The following TEX9 variants were observed in gnomAD, a reference collection of about 807,000 sequenced individuals.
The protein encoded by TEX9 is testis expressed 9.
Under a neutral mutation model 59.6 loss-of-function variants are expected in TEX9, and 74 were observed. The observed-to-expected ratio is 1.24, with a 90% CI of 1.03 to 1.51. The LOEUF (loss-of-function observed/expected upper bound fraction) is 1.51. Among genes scored for constraint, TEX9 ranks in the 40% most tolerant of loss-of-function variants. TEX9 has a pLI of 0.00. For synonymous variants in TEX9, 186 were observed against 152.2 expected (o/e 1.22, Z -1.64); for missense variants, 522 against 447.8 (o/e 1.17, Z -1.49).
At chr15:56,415,158 G>T (rs1208672287) in intron 10 of TEX9, among the ~76,000 whole-genome samples, 2 of 151,744 alleles carry the variant, frequency 1.3e-5, no homozygotes, top group Admixed American at 6.6e-5. Flanking sequence ...TGCATAGTTT[G>T]CAAAAATTTT....
chr15:56,265,217 G>A (rs748588842), intron 1 of TEX9, among the ~76,000 whole-genome samples: 35 of 150,138 alleles, frequency 2.3e-4, no homozygotes, highest in Non-Finnish European at 3.8e-4. Context: ...GTACCAGCAT[G>A]GAGTGTAGTG....
rs777566061 is a variant in TEX9, at chr15:56,251,248, G to A, written c.-107+6970G>A. ...ATGTTAGTATGTTTTTGTTTTCTCC[G>A]TTTAAAATGCCTCTAATTATGCCTG... On this transcript the variant is annotated intron_variant, in intron 1 of 5. Transcript: ENST00000560827. Among the ~76,000 whole-genome samples, 21 of 152,040 alleles carry A rather than the reference G, an allele frequency of 1.4e-4. 1 individual carries two copies. Among genetic ancestry groups the A allele is most frequent in the Non-Finnish European group, 2.2e-4 (15 of 67,936 alleles).
chr15:56,356,901 A>G (rs1459649551), intron 1 of TEX9, among the ~76,000 whole-genome samples: 1 of 152,002 alleles, frequency 6.6e-6, no homozygotes, highest in African/African-American at 2.4e-5. Context: ...AATGGTGCCA[A>G]TTCTGGATCC....
chr15:56,434,981 G>A (rs1458714260), intron 12 of TEX9, among the ~76,000 whole-genome samples: 1 of 151,966 alleles, frequency 6.6e-6, no homozygotes, highest in Non-Finnish European at 1.5e-5. Flanking sequence ...TTTATTTTCT[G>A]AACATTTTAT....
intron 2 of TEX9, among the ~76,000 whole-genome samples, chr15:56,371,955 A>G (rs1194715111): frequency 6.6e-6 from 1 of 152,138 alleles, no homozygotes; most frequent in Non-Finnish European, 1.5e-5. Flanking sequence ...CTAGCTTTTA[A>G]GCTATTTTGG....
chr15:56,395,195 A>G (rs1276905515), intron 9 of TEX9: 10 of 239,104 alleles, frequency 4.2e-5, no homozygotes, highest in African/African-American at 8.9e-5. Context: ...AAATTTGTCT[A>G]TTCTGGAAAT....
At chr15:56,392,731 A>G (rs1400190731) in intron 7 of TEX9, among the ~76,000 whole-genome samples, 1 of 152,154 alleles carries the variant, frequency 6.6e-6, no homozygotes, top group East Asian at 1.9e-4. Flanking sequence ...AGGGCTAGTT[A>G]TGGTAAGGGA....
At chr15:56,399,737 G>A (rs774497541) in intron 9 of TEX9, among the ~76,000 whole-genome samples, 22 of 152,194 alleles carry the variant, frequency 1.4e-4, no homozygotes, top group Non-Finnish European at 2.9e-4. Flanking sequence ...ATGTAGGTGG[G>A]TACCCCTCTG....
chr15:56,303,585 T>C (rs1257147113), intron 1 of TEX9, among the ~76,000 whole-genome samples: 8 of 151,624 alleles, frequency 5.3e-5, no homozygotes, highest in African/African-American at 1.9e-4. Context: ...TACATCAAAA[T>C]AGAAGAAAAA....
At chr15:56,268,206 A>G (rs1288432118) in intron 1 of TEX9, among the ~76,000 whole-genome samples, 2 of 152,216 alleles carry the variant, frequency 1.3e-5, no homozygotes, top group Non-Finnish European at 2.9e-5. Context: ...ATTGCTTATC[A>G]GCTTAAGGAG....
chr15:56,288,480 T>C (rs1452441403), intron 1 of TEX9, among the ~76,000 whole-genome samples: 4 of 152,180 alleles, frequency 2.6e-5, no homozygotes, highest in African/African-American at 7.2e-5. Flanking sequence ...TTGTCTGTGC[T>C]TTATTACTGA....
intron 1 of TEX9, among the ~76,000 whole-genome samples, chr15:56,285,950 A>T (rs1377094708): frequency 2.0e-5 from 3 of 152,304 alleles, no homozygotes; most frequent in Non-Finnish European, 4.4e-5. Flanking sequence ...ATAGTTTGAA[A>T]AGTTTAGTGG....
At chr15:56,270,594 C>T (rs59357564) in intron 1 of TEX9, among the ~76,000 whole-genome samples, 8,887 of 152,138 alleles carry the variant, frequency 0.058, 655 homozygotes, top group East Asian at 0.37. Context: ...TCCAATTTGC[C>T]AGTCTGTGTC....
At chr15:56,311,259 C>T (rs1443679854) in intron 1 of TEX9, among the ~76,000 whole-genome samples, 1 of 138,870 alleles carries the variant, frequency 7.2e-6, no homozygotes, top group Non-Finnish European at 1.6e-5. Flanking sequence ...CGTCATCTAG[C>T]ATTAGGTATA....
At chr15:56,268,915 TG>T (rs2044455874) in intron 1 of TEX9, among the ~76,000 whole-genome samples, 1 of 152,198 alleles carries the variant, frequency 6.6e-6, no homozygotes, top group South Asian at 2.1e-4. Context: ...AGCTCCTTTT[TG>T]TACCTCTGGT....
At chr15:56,251,220 CTGA>C (rs2044007415) in intron 1 of TEX9, among the ~76,000 whole-genome samples, 2 of 152,246 alleles carry the variant, frequency 1.3e-5, no homozygotes, top group South Asian at 4.1e-4. Flanking sequence ...TATATTGTGG[CTGA>C]TGTTAGTATG....
intron 1 of TEX9, among the ~76,000 whole-genome samples, chr15:56,280,159 CTT>C (rs2044780223): frequency 6.6e-6 from 1 of 152,146 alleles, no homozygotes; most frequent in African/African-American, 2.4e-5. Context: ...TGCATTTTAA[CTT>C]ATGGCATTTT....
intron 2 of TEX9, among the ~76,000 whole-genome samples, chr15:56,370,300 ACCC>A (rs2047138726): frequency 6.6e-6 from 1 of 152,094 alleles, no homozygotes; most frequent in Non-Finnish European, 1.5e-5. Flanking sequence ...TTTTGAATAC[ACCC>A]ACACCCAGTT....
chr15:56,455,265 A>AC, the TEX9 span, among the ~76,000 whole-genome samples: 13 of 143,588 alleles, frequency 9.1e-5, no homozygotes, highest in South Asian at 2.2e-4. Flanking sequence ...AAAAAAAAAA[A>AC]AAAAAACCAT....
Sources: gnomAD v4.1 joint callset for allele counts (sites outside exome capture counted in the v4.1 genomes callset) on GRCh38, gnomAD v4.1.1 for gene constraint, MANE v1.5 for transcripts, NCBI Gene and HGNC (gene_info 2026-07-23, HGNC 2026-07-21) for gene names.